CHN1: variants seen among roughly 807,000 people sequenced by gnomAD.
CHN1 encodes N-chimaerin.
CHN1 carries 37 observed loss-of-function variants against 59.5 expected under a neutral mutation model. The observed-to-expected ratio is 0.62, with a 90% CI of 0.48 to 0.82. The LOEUF (loss-of-function observed/expected upper bound fraction) is 0.82. Among genes scored for constraint, CHN1 ranks in the 40% least tolerant of loss-of-function variants. The pLI is 0.00. For missense variants in CHN1, 469 were observed against 571.0 expected (o/e 0.82, Z 1.82); for synonymous variants, 206 against 200.4 (o/e 1.03, Z -0.24).
intron 3 of CHN1, among the ~76,000 whole-genome samples, chr2:174,940,995 C>G (rs1008157184): frequency 6.6e-6 from 1 of 152,040 alleles, no homozygotes; most frequent in Non-Finnish European, 1.5e-5. Flanking sequence ...TATATTTCCC[C>G]ATTTTTTCTC....
At chr2:174,940,270 A>G (rs1208705310) in intron 3 of CHN1, among the ~76,000 whole-genome samples, 3 of 151,884 alleles carry the variant, frequency 2.0e-5, no homozygotes, top group Non-Finnish European at 2.9e-5. Context: ...CTCGTGATCC[A>G]CCCGCCTTAG....
At chr2:174,875,705 T>C (rs1438584379) in intron 6 of CHN1, 1 of 564,334 alleles carries the variant, frequency 1.8e-6, no homozygotes, top group Non-Finnish European at 2.2e-6. Flanking sequence ...GTTTTAGCTA[T>C]TAAGGGCCCA....
At chr2:174,950,889 C>G (rs993647896) in intron 2 of CHN1, among the ~76,000 whole-genome samples, 1 of 150,292 alleles carries the variant, frequency 6.7e-6, no homozygotes, top group Non-Finnish European at 1.5e-5. Flanking sequence ...AAGCGATTCT[C>G]CTGCCTCAGC....
rs66565138 is a variant in CHN1, at chr2:174,869,507, C to CA, written c.549+8332_549+8333insT. On this transcript the variant is annotated intron_variant, in intron 6 of 12. Transcript: ENST00000409900. ...CTTGTCCTAATAGAAATCCTGGGGT[C>CA]TGGGTGGGGGTAAGATTTTCTACAA... 3.1e-4 allele frequency among the ~76,000 whole-genome samples: 13 copies of CA among 41,788 alleles called. No homozygotes were observed. The Admixed American group carries it at 3.9e-3, about 13-fold the overall frequency. 27.4% of individuals were successfully genotyped at this position (41,788 alleles called of 152,430 possible).
Position 174,877,876 on chromosome 2 carries a change from T to G in CHN1, c.513A>C (p.Arg171Ser), listed in dbSNP as rs1206001078. 4.3e-6 allele frequency: 7 copies of G among 1,613,584 alleles called. No homozygotes were observed. In the Admixed American group the frequency reaches 1.2e-4, roughly 27 times the overall value. Residue 171 changes from arginine (R) to serine (S), a missense_variant, in exon 6 of 13, where the codon AGA becomes AGC. Coordinates refer to ENST00000409900, the MANE Select transcript of CHN1 (RefSeq NM_001822.7). ...MPVLKETHDERDSTGQDGVSE... is the reference protein window; with the variant it reads ...MPVLKETHDESDSTGQDGVSE... ...ACACCCCATCCTGGCCTGTAGAATC[T>G]CTCTCATCATGTGTCTCTTTCAGGA...
At position 174,823,744 on chromosome 2, in the gene CHN1, G is replaced by A. The variant is rs10190191; in HGVS notation, c.712+690C>T. Among the ~76,000 whole-genome samples, 319 of 152,060 alleles carry A rather than the reference G, an allele frequency of 2.1e-3. 4 individuals carry two copies. Among genetic ancestry groups the A allele is most frequent in the African/African-American group, 6.6e-3 (275 of 41,496 alleles). On this transcript the variant is annotated intron_variant, in intron 8 of 12. Transcript: ENST00000409900. ...GTTGCTCTATACAAATGGATTTCACGTGATATACATAAGTACTTTATTTCA... is the reference window on the plus strand; with the variant it reads ...GTTGCTCTATACAAATGGATTTCACATGATATACATAAGTACTTTATTTCA...
rs71031072 is a variant in CHN1, at chr2:174,847,773, C to CAAAAAAAAAAAAAAAAAAAAAA, written c.550-838_550-817dup. The stretch of plus-strand genomic sequence containing the variant: ...AAGTAAGTTTCTTGCTGGCTCAAGG[C>CAAAAAAAAAAAAAAAAAAAAAA]AAAAAAAAAAAAAAAAAAAAAAAAA... On this transcript the variant is annotated intron_variant, in intron 6 of 12. Coordinates refer to ENST00000409900, the MANE Select transcript of CHN1 (RefSeq NM_001822.7). 18 of 238,422 alleles carry CAAAAAAAAAAAAAAAAAAAAAA rather than the reference C, an allele frequency of 7.5e-5. 1 individual carries two copies. Among genetic ancestry groups the CAAAAAAAAAAAAAAAAAAAAAA allele is most frequent in the African/African-American group, 4.9e-4 (8 of 16,460 alleles). The allele number at this position is 238,422 out of a possible 1,614,324, so 14.8% of individuals were successfully genotyped here. A position where few individuals can be genotyped will look rare whatever the true frequency, so the allele number is the denominator to read the frequency against.
intron 8 of CHN1, among the ~76,000 whole-genome samples, chr2:174,821,214 T>C (rs1189796618): frequency 2.0e-5 from 3 of 152,198 alleles, no homozygotes; most frequent in African/African-American, 4.8e-5. Context: ...GGTCTGCATT[T>C]CTTCTGGAGG....
At chr2:174,949,076 G>C (rs1237046955) in intron 2 of CHN1, among the ~76,000 whole-genome samples, 2 of 152,082 alleles carry the variant, frequency 1.3e-5, no homozygotes, top group Admixed American at 6.6e-5. Flanking sequence ...TAACAGGTCG[G>C]TCAGTCTTTA....
At chr2:174,941,170 T>C (rs1288119947) in intron 3 of CHN1, among the ~76,000 whole-genome samples, 1 of 152,216 alleles carries the variant, frequency 6.6e-6, no homozygotes, top group Non-Finnish European at 1.5e-5. Flanking sequence ...CTGTGCCTTT[T>C]TGACATGTTT....
intron 2 of CHN1, among the ~76,000 whole-genome samples, chr2:174,950,191 C>A (rs1033224798): frequency 8.6e-5 from 13 of 151,530 alleles, no homozygotes; most frequent in Non-Finnish European, 1.6e-4. Context: ...AAGGCTGTAG[C>A]GTGCCAAGAT....
chr2:174,803,478 G>A (rs1359873968), intron 11 of CHN1, among the ~76,000 whole-genome samples: 2 of 152,322 alleles, frequency 1.3e-5, no homozygotes, highest in Admixed American at 6.5e-5. Flanking sequence ...ATTTATAACA[G>A]TAGTGCCAGC....
chr2:174,888,253 AAGTCCT>A (rs1687947512), intron 5 of CHN1, among the ~76,000 whole-genome samples: 1 of 152,202 alleles, frequency 6.6e-6, no homozygotes, highest in African/African-American at 2.4e-5. Flanking sequence ...AAAATTTTGA[AAGTCCT>A]AGCAGGAAAG....
intron 7 of CHN1, among the ~76,000 whole-genome samples, chr2:174,843,036 ATTAC>A (rs1198054202): frequency 1.3e-5 from 2 of 152,114 alleles, no homozygotes; most frequent in Non-Finnish European, 2.9e-5. Context: ...TTTTCTTTTA[ATTAC>A]TTAATTTGCC....
At position 174,962,225 on chromosome 2, in the gene CHN1, C is replaced by T. The variant is rs1462075453; in HGVS notation, c.20-10023G>A. On this transcript the variant is annotated intron_variant, in intron 1 of 12. Coordinates refer to ENST00000409900, the MANE Select transcript of CHN1 (RefSeq NM_001822.7). ...GCTTGAACCTGGGAGGCGGAGGTTG[C>T]AGTGAGCCGAGATCACGCCACTGCA... Among the ~76,000 whole-genome samples, 8 of 152,176 alleles carry T rather than the reference C, an allele frequency of 5.3e-5. No homozygotes were observed. The East Asian group carries it at 1.5e-3, about 29-fold the overall frequency.
At position 174,922,715 on chromosome 2, in the gene CHN1, TA is replaced by T. The variant is rs1689048822; in HGVS notation, c.115-4151del. ...ATTCATTTATTCATTCATTCACTCATACATACATAAAAAAAAAGAAATATTT... is the reference window on the plus strand; with the variant it reads ...ATTCATTTATTCATTCATTCACTCATCATACATAAAAAAAAAGAAATATTT... On this transcript the variant is annotated intron_variant, in intron 3 of 12. Transcript: ENST00000409900. Among the ~76,000 whole-genome samples, 5 of 151,838 alleles carry T rather than the reference TA, an allele frequency of 3.3e-5. No individual in the cohort carries two copies. The South Asian group carries it at 1.0e-3, about 32-fold the overall frequency.
chr2:174,979,518 T>C (rs932220421), intron 1 of CHN1, among the ~76,000 whole-genome samples: 4 of 152,132 alleles, frequency 2.6e-5, no homozygotes, highest in Admixed American at 6.5e-5. Flanking sequence ...AAGGCAATAT[T>C]TAAGATGTAC....
intron 3 of CHN1, among the ~76,000 whole-genome samples, chr2:174,928,617 A>G (rs1689243918): frequency 1.3e-5 from 2 of 152,242 alleles, no homozygotes; most frequent in African/African-American, 4.8e-5. Context: ...TGGGAGAGGT[A>G]TATGACTGAA....
chr2:174,870,204 A>C (rs1687362402), intron 6 of CHN1, among the ~76,000 whole-genome samples: 1 of 152,182 alleles, frequency 6.6e-6, no homozygotes, highest in African/African-American at 2.4e-5. Flanking sequence ...ATAATGCAGC[A>C]TACTTTAAAA....
Sources: allele counts gnomAD v4.1 joint callset (sites outside exome capture counted in the v4.1 genomes callset), GRCh38; gene constraint gnomAD v4.1.1; transcripts MANE v1.5; gene names NCBI Gene and HGNC (gene_info 2026-07-23, HGNC 2026-07-21).